ATP2C1: variants seen among roughly 807,000 people sequenced by gnomAD.
The protein encoded by ATP2C1 is ATPase secretory pathway Ca2+ transporting 1.
Under a neutral mutation model 120.5 loss-of-function variants are expected in ATP2C1, and 31 were observed. That is an observed-to-expected ratio of 0.26 (90% CI 0.19 to 0.35). ATP2C1 has a LOEUF of 0.35. Ranked by LOEUF, ATP2C1 falls within the 10% of genes least tolerant of loss-of-function variation. ATP2C1 has a pLI of 1.00. For synonymous variants in ATP2C1, 351 were observed against 358.7 expected (o/e 0.98, Z 0.24); for missense variants, 731 against 1,107.5 (o/e 0.66, Z 4.83).
At chr3:130,930,363 C>T in intron 2 of ATP2C1, 53 bp from the exon 3 acceptor site, 1 of 1,100,798 alleles carries the variant, frequency 9.1e-7, no homozygotes, top group Non-Finnish European at 1.4e-6. Context: ...TTCTAGACTG[C>T]ATTACACTTG....
At chr3:130,929,175 C>T (rs2059348438) in intron 2 of ATP2C1, among the ~76,000 whole-genome samples, 1 of 152,080 alleles carries the variant, frequency 6.6e-6, no homozygotes, top group African/African-American at 2.4e-5. Context: ...CCGATATCTC[C>T]TCATTAAAAG....
chr3:131,016,339 C>T, exon 27 of ATP2C1: 2 of 1,614,120 alleles, frequency 1.2e-6, no homozygotes, highest in Non-Finnish European at 8.5e-7. Flanking sequence ...CTCTTCCTTA[C>T]CTAAATAAAG....
chr3:130,980,505 TA>T, intron 19 of ATP2C1, 76 bp from the exon 20 acceptor site: 1 of 978,574 alleles, frequency 1.0e-6, no homozygotes, highest in Non-Finnish European at 1.6e-6. Flanking sequence ...CAAATCATAC[TA>T]AATGAGCATT....
At chr3:130,932,669 A>G (rs559074326) in intron 4 of ATP2C1, among the ~76,000 whole-genome samples, 22 of 152,260 alleles carry the variant, frequency 1.4e-4, no homozygotes, top group African/African-American at 5.3e-4. Flanking sequence ...GGAAAGACTT[A>G]TTCTAGACTG....
intron 8 of ATP2C1, among the ~76,000 whole-genome samples, chr3:130,941,903 T>A (rs375154069): frequency 2.6e-5 from 4 of 152,298 alleles, no homozygotes; most frequent in African/African-American, 9.6e-5. Flanking sequence ...GTTTAGTGAA[T>A]CAGCAGATCT....
chr3:130,894,178 C>G lies in ATP2C1; in HGVS notation c.-340C>G. The G allele has an allele frequency of 1.0e-6, 1 of 976,006 alleles. No individual in the cohort carries two copies. Among genetic ancestry groups the G allele is most frequent in the Non-Finnish European group, 1.2e-6 (1 of 821,452 alleles). 60.5% of individuals were successfully genotyped at this position (976,006 alleles called of 1,614,324 possible). ...CTCCCCGCCCGCCCTCTCTCCCTCCCTTCCTCCCTCCCGCTCGCTTCTTCT... is the reference window on the plus strand; with the variant it reads ...CTCCCCGCCCGCCCTCTCTCCCTCCGTTCCTCCCTCCCGCTCGCTTCTTCT... On this transcript the variant is annotated 5_prime_UTR_variant, in exon 1 of 28. Coordinates refer to ENST00000510168, the MANE Select transcript of ATP2C1 (RefSeq NM_001378687.1). The surrounding 1 kb of genome is among the most constrained non-coding windows in gnomAD (Gnocchi z 4.5).
At chr3:130,905,281 A>G (rs953358362) in intron 2 of ATP2C1, among the ~76,000 whole-genome samples, 5 of 151,980 alleles carry the variant, frequency 3.3e-5, no homozygotes, top group African/African-American at 9.7e-5. Flanking sequence ...TTATCTATCC[A>G]TCTATGTATA....
intron 26 of ATP2C1, among the ~76,000 whole-genome samples, chr3:131,008,744 A>G (rs970249224): frequency 7.2e-5 from 11 of 152,190 alleles, no homozygotes; most frequent in African/African-American, 2.7e-4. Context: ...GAAAGGAAGT[A>G]CCATCAATTT....
At chr3:130,973,481 A>T (rs1244783862) in intron 17 of ATP2C1, among the ~76,000 whole-genome samples, 8 of 152,238 alleles carry the variant, frequency 5.3e-5, no homozygotes, top group African/African-American at 1.7e-4. Context: ...AATAATATTG[A>T]ACCTTATATA....
chr3:130,867,974 C>CCGGCCG (rs2068252347), intron 1 of ATP2C1: 1 of 199,422 alleles, frequency 5.0e-6, no homozygotes, highest in South Asian at 6.8e-5. Context: ...GCGTCTCTGC[C>CCGGCCG]CGGCCGCTCC....
intron 21 of ATP2C1, 38 bp from the exon 22 acceptor site, chr3:130,993,894 A>G (rs187157623): frequency 8.1e-6 from 13 of 1,612,476 alleles, no homozygotes; most frequent in Middle Eastern, 1.7e-4. Flanking sequence ...ATTTTTATCA[A>G]AATTCCTTCC....
chr3:130,852,313 A>G (rs2067699052), intron 1 of ATP2C1, among the ~76,000 whole-genome samples: 1 of 152,216 alleles, frequency 6.6e-6, no homozygotes, highest in Non-Finnish European at 1.5e-5. Flanking sequence ...GGATGGGAAC[A>G]CAACTGTGGA....
intron 26 of ATP2C1, chr3:131,016,043 G>GTTTT: frequency 1.6e-6 from 2 of 1,270,808 alleles, no homozygotes; most frequent in Non-Finnish European, 2.2e-6. Flanking sequence ...TTTTGTTTTG[G>GTTTT]TTTTTTTTTT....
At chr3:130,916,244 CAA>C (rs577230633) in intron 2 of ATP2C1, among the ~76,000 whole-genome samples, 10 of 82,998 alleles carry the variant, frequency 1.2e-4, no homozygotes, top group Non-Finnish European at 1.3e-4. Flanking sequence ...TGTCTCTACT[CAA>C]AAAAAAAAAA....
In ATP2C1 at chr3:130,967,597, CT is replaced by C. The variant is rs549913983; in HGVS notation, c.1308+184del. Among the ~76,000 whole-genome samples, 10 of 152,184 alleles carry C rather than the reference CT, an allele frequency of 6.6e-5. No homozygotes were observed. In the South Asian group the frequency reaches 2.1e-3, roughly 32 times the overall value. On this transcript the variant is annotated intron_variant, in intron 16 of 27. Transcript: ENST00000510168. ...TATTCCTATAAATGTAAAGTATAGA[CT>C]TTTTTCAGTATAACTTTATTGTTCA...
rs368415884 is a variant in ATP2C1, at chr3:130,969,892, G to A, written c.1413+496G>A. 4.0e-4 allele frequency among the ~76,000 whole-genome samples: 61 copies of A among 152,288 alleles called. 1 individual carries two copies. The South Asian group carries it at 0.012, about 31-fold the overall frequency. The stretch of plus-strand genomic sequence containing the variant: ...AAATGACATACCGATATTTTAAGCC[G>A]CCACCTTGTTCCTGGGTGCTTGAGA... On this transcript the variant is annotated intron_variant, in intron 17 of 27. Coordinates refer to ENST00000510168, the MANE Select transcript of ATP2C1 (RefSeq NM_001378687.1).
intron 7 of ATP2C1, 43 bp downstream of exon 7, chr3:130,940,734 TAGA>T: frequency 6.8e-7 from 1 of 1,471,132 alleles, no homozygotes; most frequent in South Asian, 1.1e-5. Flanking sequence ...CCTTTAAAAA[TAGA>T]AGTTGAATGT....
At chr3:130,873,254 A>T (rs1214982875) in intron 1 of ATP2C1, among the ~76,000 whole-genome samples, 2 of 152,222 alleles carry the variant, frequency 1.3e-5, no homozygotes, top group Non-Finnish European at 2.9e-5. Context: ...ACATTGAGGG[A>T]TGGAGGGATA....
intron 14 of ATP2C1, 73 bp downstream of exon 14, chr3:130,965,118 A>T (rs995866960): frequency 2.4e-5 from 24 of 1,010,170 alleles, no homozygotes; most frequent in Non-Finnish European, 3.6e-5. Flanking sequence ...CATTCCTAAC[A>T]GTTCCAGTGT....
Sources: allele counts gnomAD v4.1 joint callset (sites outside exome capture counted in the v4.1 genomes callset), GRCh38; gene constraint gnomAD v4.1.1; non-coding constraint Gnocchi (gnomAD v3.1); transcripts MANE v1.5; gene names NCBI Gene and HGNC (gene_info 2026-07-23, HGNC 2026-07-21).